The following ABCA12 variants were observed in gnomAD, a reference collection of about 807,000 sequenced individuals.
ABCA12 encodes the protein glucosylceramide transporter ABCA12.
ABCA12 carries 156 observed loss-of-function variants against 293.5 expected under a neutral mutation model. The ratio of observed to expected loss-of-function variants is 0.53; its 90% CI spans 0.47 to 0.61. The LOEUF (loss-of-function observed/expected upper bound fraction) is 0.61, where lower values mean the gene tolerates loss of function less well. Among genes scored for constraint, ABCA12 ranks in the 20% least tolerant of loss-of-function variants. The probability of loss-of-function intolerance (pLI) is 0.00; values close to 1 mark genes in which losing one functional copy is unlikely to be tolerated. For missense variants in ABCA12, 2,797 were observed against 3,090.2 expected (o/e 0.91, Z 2.25); for synonymous variants, 1,063 against 1,108.0 (o/e 0.96, Z 0.81).
Position 214,933,865 on chromosome 2 carries a change from T to C in ABCA12, c.7680+213A>G, listed in dbSNP as rs139932434. Among the ~76,000 whole-genome samples the C allele has an allele frequency of 5.2e-3, 793 of 152,284 alleles. 7 individuals carry two copies. Among genetic ancestry groups the C allele is most frequent in the Middle Eastern group, 0.01 (3 of 294 alleles). On this transcript the variant is annotated intron_variant, in intron 52 of 52. Transcript: ENST00000272895. Reference sequence around the variant, plus strand: ...TAACTTTATGGGTACAGATGTCTTATCAAATGGAAAAGTTAATGTCTTTCA... The same window carrying C: ...TAACTTTATGGGTACAGATGTCTTACCAAATGGAAAAGTTAATGTCTTTCA...
chr2:215,061,839 T>G (rs1701534416), intron 3 of ABCA12, among the ~76,000 whole-genome samples: 1 of 152,018 alleles, frequency 6.6e-6, no homozygotes, highest in South Asian at 2.1e-4. Context: ...CAAAACCAAC[T>G]CAGTGTCTCA....
Position 215,026,804 on chromosome 2 carries a change from T to C in ABCA12, c.1180+16A>G. Reference sequence around the variant, plus strand: ...GAAACCATGAGCAGCATTTTGACTGTTAAGAACAGTATTACCTGGTGAACC... The same window carrying C: ...GAAACCATGAGCAGCATTTTGACTGCTAAGAACAGTATTACCTGGTGAACC... On this transcript the variant is annotated intron_variant, in intron 10 of 52. Coordinates refer to ENST00000272895, the MANE Select transcript of ABCA12 (RefSeq NM_173076.3). The C allele has an allele frequency of 1.9e-6, 3 of 1,567,252 alleles. No homozygotes were observed. The highest frequency in any genetic ancestry group is 1.1e-5 in the South Asian group (1 of 90,048).
chr2:215,108,281 C>T (rs1239751636), intron 2 of ABCA12, among the ~76,000 whole-genome samples: 1 of 152,202 alleles, frequency 6.6e-6, no homozygotes, highest in Non-Finnish European at 1.5e-5. Flanking sequence ...CTAATACATA[C>T]ATTGGAATGC....
intron 22 of ABCA12, among the ~76,000 whole-genome samples, chr2:214,998,997 T>C (rs963266197): frequency 2.0e-5 from 3 of 152,176 alleles, no homozygotes; most frequent in Non-Finnish European, 4.4e-5. Flanking sequence ...AATGTAAATA[T>C]TAATGAAGCA....
chr2:214,957,752 C>A (rs1019657242), intron 41 of ABCA12, among the ~76,000 whole-genome samples: 1 of 152,190 alleles, frequency 6.6e-6, no homozygotes, highest in Non-Finnish European at 1.5e-5. Context: ...AATGAGAGAG[C>A]TATCAATGAA....
chr2:215,100,060 C>G (rs1702325609), intron 2 of ABCA12, among the ~76,000 whole-genome samples: 1 of 151,454 alleles, frequency 6.6e-6, no homozygotes, highest in African/African-American at 2.4e-5. Context: ...CTTTCCCAGG[C>G]CTGGAGTACA....
chr2:214,942,887 C>G, intron 50 of ABCA12, 38 bp downstream of exon 50: 2 of 1,534,124 alleles, frequency 1.3e-6, no homozygotes, highest in Non-Finnish European at 1.8e-6. Context: ...AGATAGATGA[C>G]CCAACACTAT....
chr2:215,127,819 GCATT>G (rs1201960538), intron 1 of ABCA12, among the ~76,000 whole-genome samples: 2 of 152,098 alleles, frequency 1.3e-5, no homozygotes, highest in African/African-American at 4.8e-5. Context: ...AGGTACCATT[GCATT>G]CACTGTGCTT....
chr2:215,048,360 T>G (rs60218177), intron 6 of ABCA12, among the ~76,000 whole-genome samples: 21,876 of 151,968 alleles, frequency 0.14, 4,760 homozygotes, highest in African/African-American at 0.47. Context: ...TAAAGACATA[T>G]GCACACATAT....
chr2:215,064,161 T>C lies in ABCA12; in HGVS notation c.222A>G (p.Leu74=). The C allele has an allele frequency of 6.2e-7, 1 of 1,612,636 alleles. No homozygotes were observed. The highest frequency in any genetic ancestry group is 8.5e-7 in the Non-Finnish European group (1 of 1,179,198). ...TGCATTTAGAGTCTGTGTCACAGAG[T>C]AGGGTCTGCAGGAATGGAAAGAATC... ...STGFFPFLQT[L]LCDTDSKCKD... Residue 74 remains leucine, a synonymous_variant, in exon 3 of 53, where the codon CTA becomes CTG. Coordinates refer to ENST00000272895, the MANE Select transcript of ABCA12 (RefSeq NM_173076.3).
chr2:215,076,019 A>G (rs1370088770), intron 2 of ABCA12, among the ~76,000 whole-genome samples: 1 of 152,210 alleles, frequency 6.6e-6, no homozygotes, highest in Admixed American at 6.5e-5. Flanking sequence ...TTTGGTATTC[A>G]TATTCCATCT....
At chr2:215,132,814 G>C (rs1329202411) in intron 1 of ABCA12, among the ~76,000 whole-genome samples, 1 of 152,000 alleles carries the variant, frequency 6.6e-6, no homozygotes, top group Admixed American at 6.6e-5. Flanking sequence ...CTATTGTGCA[G>C]TTGCTTTACA....
intron 7 of ABCA12, among the ~76,000 whole-genome samples, chr2:215,041,638 A>G (rs1209983595): frequency 6.6e-6 from 1 of 152,102 alleles, no homozygotes; most frequent in Non-Finnish European, 1.5e-5. Flanking sequence ...ACTATCATAT[A>G]TGATCCAGCA....
chr2:214,967,886 A>G (rs1219435533), intron 38 of ABCA12, among the ~76,000 whole-genome samples: 1 of 152,140 alleles, frequency 6.6e-6, no homozygotes, highest in Non-Finnish European at 1.5e-5. Flanking sequence ...ATGTGTAGAC[A>G]ATTTTAAATC....
intron 38 of ABCA12, 98 bp from the exon 39 acceptor site, chr2:214,967,051 G>A (rs984665791): frequency 2.1e-6 from 2 of 962,746 alleles, no homozygotes; most frequent in Non-Finnish European, 3.3e-6. Flanking sequence ...TAAAATAAGA[G>A]CATCAATTTT....
At chr2:214,973,902 T>C in intron 36 of ABCA12, 47 bp downstream of exon 36, 3 of 1,490,804 alleles carry the variant, frequency 2.0e-6, no homozygotes, top group Non-Finnish European at 2.8e-6. Flanking sequence ...CTTTCGATAT[T>C]TATTCCCGTA....
intron 3 of ABCA12, among the ~76,000 whole-genome samples, chr2:215,055,520 T>C (rs929135547): frequency 6.6e-6 from 1 of 152,058 alleles, no homozygotes; most frequent in Non-Finnish European, 1.5e-5. Context: ...CAAATAATTT[T>C]TAGAATTCCA....
At chr2:215,025,958 G>T (rs1414214955) in intron 10 of ABCA12, among the ~76,000 whole-genome samples, 179 bp from the exon 11 acceptor site, 2 of 152,122 alleles carry the variant, frequency 1.3e-5, no homozygotes, top group African/African-American at 4.8e-5. Flanking sequence ...GGACAACAGA[G>T]TTCATTATTT....
chr2:215,057,108 T>C (rs1371577797), intron 3 of ABCA12, among the ~76,000 whole-genome samples: 3 of 152,054 alleles, frequency 2.0e-5, no homozygotes, highest in African/African-American at 7.2e-5. Flanking sequence ...TGATGGCTGA[T>C]TAAATAAAAA....
Sources: allele counts gnomAD v4.1 joint callset (sites outside exome capture counted in the v4.1 genomes callset), GRCh38; gene constraint gnomAD v4.1.1; transcripts MANE v1.5; gene names NCBI Gene and HGNC (gene_info 2026-07-23, HGNC 2026-07-21).